The following IL23R variants were observed in gnomAD, a reference collection of about 807,000 sequenced individuals.
The protein encoded by IL23R is interleukin-23 receptor.
A neutral mutation model predicts 56.9 loss-of-function variants in IL23R; 34 were observed. That is an observed-to-expected ratio of 0.60 (90% CI 0.45 to 0.80). IL23R has a LOEUF of 0.80. IL23R is among the 30% of genes least tolerant of loss of function. The probability of loss-of-function intolerance (pLI) is 0.00; values close to 1 mark genes in which losing one functional copy is unlikely to be tolerated. For missense variants in IL23R, 635 were observed against 730.0 expected (o/e 0.87, Z 1.50); for synonymous variants, 230 against 249.2 (o/e 0.92, Z 0.73).
intron 8 of IL23R, among the ~76,000 whole-genome samples, chr1:67,239,545 G>A (rs913103629): frequency 7.9e-5 from 12 of 152,184 alleles, no homozygotes; most frequent in African/African-American, 1.9e-4. Context: ...GATTATAGGC[G>A]TGAGTCACTG....
At chr1:67,257,884 A>T (rs1261039450) in intron 10 of IL23R, among the ~76,000 whole-genome samples, 1 of 151,950 alleles carries the variant, frequency 6.6e-6, no homozygotes, top group African/African-American at 2.4e-5. Flanking sequence ...TTGTATTTTT[A>T]GTAGAGACAG....
intron 1 of IL23R, among the ~76,000 whole-genome samples, chr1:67,156,751 T>C (rs1422737632): frequency 6.6e-6 from 1 of 152,190 alleles, no homozygotes; most frequent in Non-Finnish European, 1.5e-5. Flanking sequence ...CTGGGCTCCA[T>C]GGAAGTGGGA....
chr1:67,180,027 C>T (rs1647083978), intron 3 of IL23R, among the ~76,000 whole-genome samples: 1 of 152,002 alleles, frequency 6.6e-6, no homozygotes, highest in African/African-American at 2.4e-5. Flanking sequence ...CTGAGGAGTA[C>T]TTTACTTCCG....
chr1:67,155,764 T>C (rs1646765895), intron 1 of IL23R, among the ~76,000 whole-genome samples: 1 of 152,198 alleles, frequency 6.6e-6, no homozygotes, highest in Non-Finnish European at 1.5e-5. Flanking sequence ...CAGTTTGTTA[T>C]TATCCACCTT....
In IL23R at chr1:67,227,937, A is replaced by C. The variant is rs139402836; in HGVS notation, c.955+8207A>C. Among the ~76,000 whole-genome samples, 367 of 88,560 alleles carry C rather than the reference A, an allele frequency of 4.1e-3. 3 individuals carry two copies. The highest frequency in any genetic ancestry group is 0.014 in the African/African-American group (338 of 24,834). 58.1% of individuals were successfully genotyped at this position (88,560 alleles called of 152,430 possible). A position where few individuals can be genotyped will look rare whatever the true frequency, so the allele number is the denominator to read the frequency against. ...GTTTGCAACCTATTACTACAGAACA[A>C]AGATCTTTCTTTCTTTCTTTCTTTC... On this transcript the variant is annotated intron_variant, in intron 7 of 10. Coordinates refer to ENST00000347310, the MANE Select transcript of IL23R (RefSeq NM_144701.3).
chr1:67,161,755 G>A (rs1646822613), upstream of IL23R, among the ~76,000 whole-genome samples: 1 of 151,954 alleles, frequency 6.6e-6, no homozygotes, highest in South Asian at 2.1e-4. Context: ...AGCCTCCTAA[G>A]TAGCTGGGAT....
chr1:67,219,663 T>C lies in IL23R; in HGVS notation c.888T>C (p.Cys296=). 1 of 1,614,104 alleles carries C rather than the reference T, an allele frequency of 6.2e-7. No individual in the cohort carries two copies. The highest frequency in any genetic ancestry group is 1.1e-5 in the South Asian group (1 of 91,080). ...TTAAGTACGTATTTCAAGTGAGATGTCAAGAAACAGGCAAAAGGTACTGGC... is the reference window on the plus strand; with the variant it reads ...TTAAGTACGTATTTCAAGTGAGATGCCAAGAAACAGGCAAAAGGTACTGGC... ...PNIKYVFQVR[C]QETGKRYWQP... The change falls in exon 7 of 11, where the codon TGT becomes TGC. Residue 296 remains cysteine, a synonymous_variant. Transcript: ENST00000347310.
intron 9 of IL23R, among the ~76,000 whole-genome samples, chr1:67,253,311 G>A (rs1652752492): frequency 6.6e-6 from 1 of 152,108 alleles, no homozygotes; most frequent in Non-Finnish European, 1.5e-5. Context: ...TTTGAGAAAA[G>A]CAAGACCCTT....
chr1:67,139,787 C>T (rs1646618401), intron 1 of IL23R, among the ~76,000 whole-genome samples: 1 of 152,294 alleles, frequency 6.6e-6, no homozygotes, highest in African/African-American at 2.4e-5. Context: ...AAGGCATCCT[C>T]TACCTCAGCC....
chr1:67,180,424 A>G (rs879004370), intron 3 of IL23R, among the ~76,000 whole-genome samples: 2 of 151,822 alleles, frequency 1.3e-5, no homozygotes, highest in East Asian at 1.9e-4. Context: ...CTGTTTTATC[A>G]GAGACTAGGA....
chr1:67,236,590 C>T, intron 7 of IL23R, 123 bp from the exon 8 acceptor site: 1 of 713,024 alleles, frequency 1.4e-6, no homozygotes, highest in Non-Finnish European at 2.6e-6. Flanking sequence ...TTCCACCCTT[C>T]AAGCCCATTA....
At position 67,168,158 on chromosome 1, in the gene IL23R, C is replaced by T; in HGVS notation, c.38C>T (p.Ala13Val). 1 of 1,611,884 alleles carries T rather than the reference C, an allele frequency of 6.2e-7. No homozygotes were observed. The highest frequency in any genetic ancestry group is 8.5e-7 in the Non-Finnish European group (1 of 1,178,154). The change falls in exon 2 of 11, where the codon GCC becomes GTC. Residue 13 changes from alanine to valine, a missense_variant. Ala to Val is a moderately conservative substitution (Grantham distance 64). Transcript: ENST00000347310. ...ACTATTCAATGGGATGCAGTAATAGCCCTTTACATACTCTTCAGCTGGTGT... is the reference window on the plus strand; with the variant it reads ...ACTATTCAATGGGATGCAGTAATAGTCCTTTACATACTCTTCAGCTGGTGT... ...QVTIQWDAVI[A>V]LYILFSWCHG...
At chr1:67,182,618 C>T (rs1647164724) in intron 3 of IL23R, among the ~76,000 whole-genome samples, 1 of 152,162 alleles carries the variant, frequency 6.6e-6, no homozygotes, top group South Asian at 2.1e-4. Context: ...CTTCGGCTCA[C>T]ACTCTGTGCA....
At chr1:67,253,389 T>A (rs959049169) in intron 9 of IL23R, among the ~76,000 whole-genome samples, 5 of 152,246 alleles carry the variant, frequency 3.3e-5, no homozygotes, top group African/African-American at 1.2e-4. Context: ...TTGTTTGGTG[T>A]GGCAGTTCCC....
chr1:67,225,455 T>C (rs1284204109), intron 7 of IL23R, among the ~76,000 whole-genome samples: 2 of 151,832 alleles, frequency 1.3e-5, no homozygotes, highest in East Asian at 1.9e-4. Context: ...TTATGGGCTA[T>C]CTAGAAAGCA....
chr1:67,255,626 A>G (rs1652901707), intron 9 of IL23R, among the ~76,000 whole-genome samples: 1 of 151,974 alleles, frequency 6.6e-6, no homozygotes, highest in South Asian at 2.1e-4. Context: ...TTCTGTAGAG[A>G]CAGGGTCTTG....
At chr1:67,233,264 G>A (rs1392373113) in intron 7 of IL23R, among the ~76,000 whole-genome samples, 1 of 151,450 alleles carries the variant, frequency 6.6e-6, no homozygotes, top group African/African-American at 2.4e-5. Context: ...TACTTGGGAG[G>A]TTGAGACAGG....
At chr1:67,170,195 C>T (rs555827526) in intron 3 of IL23R, among the ~76,000 whole-genome samples, 7 of 152,252 alleles carry the variant, frequency 4.6e-5, no homozygotes, top group South Asian at 2.1e-4. Context: ...CTCAATTCCT[C>T]GCCTGTAAAA....
At chr1:67,265,884 A>T in the IL23R span, among the ~76,000 whole-genome samples, 1 of 152,214 alleles carries the variant, frequency 6.6e-6, no homozygotes, top group African/African-American at 2.4e-5. Context: ...AAAAAAAAAA[A>T]ATTAGATTTT....
Sources: gnomAD v4.1 joint callset for allele counts (sites outside exome capture counted in the v4.1 genomes callset) on GRCh38, gnomAD v4.1.1 for gene constraint, MANE v1.5 for transcripts, NCBI Gene and HGNC (gene_info 2026-07-23, HGNC 2026-07-21) for gene names.